PSG1: variants seen among roughly 807,000 people sequenced by gnomAD.
The protein encoded by PSG1 is pregnancy-specific beta-1-glycoprotein 1.
A neutral mutation model predicts 41.4 loss-of-function variants in PSG1; 60 were observed. The observed-to-expected ratio is 1.45, with a 90% CI of 1.18 to 1.80. The LOEUF is 1.80. Among genes scored for constraint, PSG1 ranks in the 40% most tolerant of loss-of-function variants. PSG1 has a pLI of 0.00. For synonymous variants in PSG1, 256 were observed against 192.9 expected (o/e 1.33, Z -2.71); for missense variants, 806 against 516.9 (o/e 1.56, Z -5.42).
Position 42,868,115 on chromosome 19 carries a change from G to C in PSG1, c.1229C>G (p.Thr410Arg), listed in dbSNP as rs1341450289. 4.3e-6 allele frequency: 7 copies of C among 1,612,280 alleles called. 1 individual carries two copies. The East Asian group carries it at 1.6e-4, about 36-fold the overall frequency. The change falls in exon 5 of 6, where the codon ACA becomes AGA. Residue 410 changes from threonine to arginine, a missense_variant. Physicochemically the swap from Thr to Arg is moderately conservative, Grantham distance 71. Coordinates refer to ENST00000436291, the MANE Select transcript of PSG1 (RefSeq NM_001184825.2). Reference protein sequence around the residue: ...ATGKESSKSMTVEVSDWTVP With the variant: ...ATGKESSKSMRVEVSDWTVP Reference sequence around the variant, plus strand: ...GATCCACTTACCAGAGACTTCGACTGTCATGGATTTGGAGCTTTCCTTGCC... The same window carrying C: ...GATCCACTTACCAGAGACTTCGACTCTCATGGATTTGGAGCTTTCCTTGCC...
Position 42,871,017 on chromosome 19 carries a change from T to C in PSG1, c.709+750A>G, listed in dbSNP as rs1421160785. Among the ~76,000 whole-genome samples the C allele has an allele frequency of 2.0e-5, 3 of 151,506 alleles. 1 individual carries two copies. Among genetic ancestry groups the C allele is most frequent in the African/African-American group, 7.3e-5 (3 of 41,224 alleles). ...CCTGTCCTGGGTTTTTGATTTTCCC[T>C]CTCCCTTTGCAGAGGGCAGGTGGCT... On this transcript the variant is annotated intron_variant, in intron 3 of 5. Coordinates refer to ENST00000436291, the MANE Select transcript of PSG1 (RefSeq NM_001184825.2).
At chr19:42,874,460 C>T (rs1339947195) in intron 2 of PSG1, among the ~76,000 whole-genome samples, 1 of 151,642 alleles carries the variant, frequency 6.6e-6, no homozygotes, top group Non-Finnish European at 1.5e-5. Context: ...CATTCTCCTG[C>T]CTTGGCCTCC....
intron 3 of PSG1, chr19:42,869,267 C>G: frequency 1.0e-6 from 1 of 957,150 alleles, no homozygotes; most frequent in Non-Finnish European, 1.5e-6. Context: ...AATTGAGCAG[C>G]AGTGTTGGGT....
At chr19:42,874,635 G>T (rs551474093) in intron 2 of PSG1, among the ~76,000 whole-genome samples, 1 of 151,752 alleles carries the variant, frequency 6.6e-6, no homozygotes, top group South Asian at 2.1e-4. Context: ...GCCACTGTGC[G>T]CAGCCGTCTC....
chr19:42,878,383 A>T (rs1343233955), intron 1 of PSG1, 105 bp from the exon 2 acceptor site: 1 of 1,405,322 alleles, frequency 7.1e-7, no homozygotes, highest in African/African-American at 1.6e-5. Context: ...AGCCTTGACA[A>T]CACAGACACA....
chr19:42,867,822 A>G lies in PSG1; in HGVS notation c.1243+279T>C, dbSNP rs1190596824. 14 of 1,295,132 alleles carry G rather than the reference A, an allele frequency of 1.1e-5. No individual in the cohort carries two copies. In the East Asian group the frequency reaches 1.2e-4, roughly 11 times the overall value. 80.2% of individuals were successfully genotyped at this position (1,295,132 alleles called of 1,614,324 possible). A position where few individuals can be genotyped will look rare whatever the true frequency, so the allele number is the denominator to read the frequency against. On this transcript the variant is annotated intron_variant, in intron 5 of 5. Transcript: ENST00000436291. ...TTAAAGAATCAGCAAATTTTCAAAT[A>G]AAAATCATAAAAACATTATCTTCAT...
At position 42,867,028 on chromosome 19, in the gene PSG1, T is replaced by A; in HGVS notation, c.*106A>T. The A allele has an allele frequency of 1.3e-6, 1 of 767,892 alleles. No individual in the cohort carries two copies. The highest frequency in any genetic ancestry group is 1.3e-5 in the South Asian group (1 of 74,348). The allele number at this position is 767,892 out of a possible 1,614,324, so 47.6% of individuals were successfully genotyped here. A position where few individuals can be genotyped will look rare whatever the true frequency, so the allele number is the denominator to read the frequency against. On this transcript the variant is annotated 3_prime_UTR_variant, in exon 6 of 6. Coordinates refer to ENST00000436291, the MANE Select transcript of PSG1 (RefSeq NM_001184825.2). ...CACGTACAAGGGTTTTCCCATGAAA[T>A]TTACATTGAGTTGTCCACCTCCAGC...
intron 2 of PSG1, among the ~76,000 whole-genome samples, chr19:42,876,243 C>A (rs944805648): frequency 6.6e-6 from 1 of 151,416 alleles, no homozygotes; most frequent in African/African-American, 2.4e-5. Flanking sequence ...GCAGATACAC[C>A]ATGGCAGTGA....
intron 2 of PSG1, among the ~76,000 whole-genome samples, chr19:42,875,442 A>T (rs186607632): frequency 6.6e-6 from 1 of 151,846 alleles, no homozygotes; most frequent in East Asian, 1.9e-4. Context: ...TTGCTCCTAT[A>T]GATAACATCA....
At chr19:42,869,325 A>T in intron 3 of PSG1, 1 of 597,840 alleles carries the variant, frequency 1.7e-6, no homozygotes. Flanking sequence ...TACCCTTCCC[A>T]GGCCCTCCCT....
intron 5 of PSG1, chr19:42,867,499 T>C (rs891973216): frequency 3.4e-6 from 2 of 590,404 alleles, no homozygotes; most frequent in African/African-American, 3.8e-5. Context: ...GCAGTTCATA[T>C]TGGTTCATTC....
rs368101294 is a variant in PSG1, at chr19:42,878,314, C to G, written c.65-36G>C. 92 of 1,575,884 alleles carry G rather than the reference C, an allele frequency of 5.8e-5. 2 individuals are homozygous for G. The highest frequency in any genetic ancestry group is 9.0e-5 in the East Asian group (4 of 44,606). On this transcript the variant is annotated intron_variant, in intron 1 of 5. Transcript: ENST00000436291. ...GAGAGAACATCAGTCAATATTGAGA[C>G]CTATGTATTGGTGTGAAAACATGGG...
chr19:42,867,161 A>G lies in PSG1; in HGVS notation c.1244-11T>C, dbSNP rs191558709. ...AGGGAACTGTCCAGTCTACAGGTGGATAATAAAAACACAGAAACAATGAAC... is the reference window on the plus strand; with the variant it reads ...AGGGAACTGTCCAGTCTACAGGTGGGTAATAAAAACACAGAAACAATGAAC... On this transcript the variant is annotated splice_polypyrimidine_tract_variant and intron_variant, in intron 5 of 5. Transcript: ENST00000436291. 5.6e-5 allele frequency: 43 copies of G among 767,640 alleles called. 2 individuals carry two copies. In the East Asian group the frequency reaches 9.7e-4, roughly 17 times the overall value. The allele number at this position is 767,640 out of a possible 1,614,324, so 47.6% of individuals were successfully genotyped here.
At chr19:42,867,309 T>C in intron 5 of PSG1, 159 bp from the exon 6 acceptor site, 1 of 652,134 alleles carries the variant, frequency 1.5e-6, no homozygotes, top group Admixed American at 2.2e-5. Flanking sequence ...GCAAAATAGG[T>C]GGAGTTTCTT....
At chr19:42,878,881 T>C (rs1971740233) in intron 1 of PSG1, among the ~76,000 whole-genome samples, 1 of 151,452 alleles carries the variant, frequency 6.6e-6, no homozygotes, top group African/African-American at 2.4e-5. Context: ...CCCTGGGTGT[T>C]TTTTTTCCCC....
intron 3 of PSG1, 187 bp from the exon 4 acceptor site, chr19:42,869,221 C>G (rs1971277149): frequency 7.5e-7 from 1 of 1,329,980 alleles, no homozygotes; most frequent in African/African-American, 1.5e-5. Flanking sequence ...AGGCCGCCTT[C>G]TCTGTCTTAG....
intron 2 of PSG1, among the ~76,000 whole-genome samples, 157 bp from the exon 3 acceptor site, chr19:42,872,202 C>T (rs1971423395): frequency 6.6e-6 from 1 of 151,636 alleles, no homozygotes; most frequent in South Asian, 2.1e-4. Flanking sequence ...GCATGGCAAT[C>T]TGAGGGCTCA....
At position 42,871,838 on chromosome 19, in the gene PSG1, C is replaced by A. The variant is rs772748129; in HGVS notation, c.638G>T (p.Gly213Val). The change falls in exon 3 of 6, where the codon GGA (glycine) becomes GTA (valine). Residue 213 changes from glycine (G) to valine (V), a missense_variant. Gly to Val is a moderately radical substitution (Grantham distance 109, BLOSUM62 -3). Coordinates refer to ENST00000436291, the MANE Select transcript of PSG1 (RefSeq NM_001184825.2). ...GTTCCGTATTTCACATTCATAGGGT[C>A]CTGCAGTATACTTTGTGACACCCAA... Reference protein sequence around the residue: ...FLLGVTKYTAGPYECEIRNPV... With the variant: ...FLLGVTKYTAVPYECEIRNPV... The A allele has an allele frequency of 3.7e-6, 6 of 1,612,562 alleles. No homozygotes were observed. The Admixed American group carries it at 1.0e-4, about 27-fold the overall frequency.
intron 3 of PSG1, chr19:42,869,987 C>T (rs560880491): frequency 6.6e-5 from 10 of 151,764 alleles, no homozygotes; most frequent in African/African-American, 2.2e-4. Flanking sequence ...GGACATTCTA[C>T]TCTCTGATTC....
Sources: allele counts gnomAD v4.1 joint callset (sites outside exome capture counted in the v4.1 genomes callset), GRCh38; gene constraint gnomAD v4.1.1; transcripts MANE v1.5; gene names NCBI Gene and HGNC (gene_info 2026-07-23, HGNC 2026-07-21).